The following TBC1D5 variants were observed in gnomAD, a reference collection of about 807,000 sequenced individuals.
The protein encoded by TBC1D5 is TBC1 domain family, member 5.
TBC1D5 carries 75 observed loss-of-function variants against 100.3 expected under a neutral mutation model. The observed-to-expected ratio is 0.75, with a 90% confidence interval of 0.62 to 0.91. The LOEUF is 0.91. Ranked by LOEUF, TBC1D5 falls within the 40% of genes least tolerant of loss-of-function variation. TBC1D5 has a pLI of 0.00. For synonymous variants in TBC1D5, 323 were observed against 325.6 expected (o/e 0.99, Z 0.09); for missense variants, 910 against 942.4 (o/e 0.97, Z 0.45).
chr3:17,215,722 T>A (rs2073556026), intron 17 of TBC1D5, among the ~76,000 whole-genome samples: 1 of 152,022 alleles, frequency 6.6e-6, no homozygotes, highest in Admixed American at 6.6e-5. Flanking sequence ...ACGTTACAAT[T>A]TAAAAGTCAG....
At chr3:17,643,751 G>C (rs1375841564) in intron 1 of TBC1D5, among the ~76,000 whole-genome samples, 1 of 152,134 alleles carries the variant, frequency 6.6e-6, no homozygotes, top group Non-Finnish European at 1.5e-5. Flanking sequence ...GGAAGGATCT[G>C]TGTTTGAGTA....
At chr3:17,487,310 T>C (rs1434394413) in intron 3 of TBC1D5, among the ~76,000 whole-genome samples, 1 of 152,172 alleles carries the variant, frequency 6.6e-6, no homozygotes, top group Admixed American at 6.6e-5. Context: ...CTGTCCATTG[T>C]AAGTAACCAA....
chr3:17,281,117 G>A lies in TBC1D5; in HGVS notation c.1245+10778C>T, dbSNP rs547659109. On this transcript the variant is annotated intron_variant, in intron 15 of 21. Transcript: ENST00000253692. ...CCAGTTCCCACCCGTGAAGGGGTCA[G>A]GGAAAATTTCCTGCTTCATTCTCAC... Among the ~76,000 whole-genome samples the A allele has an allele frequency of 5.3e-5, 8 of 152,302 alleles. No individual in the cohort carries two copies. In the South Asian group the frequency reaches 1.4e-3, roughly 28 times the overall value.
chr3:17,276,858 C>A (rs923552035), intron 15 of TBC1D5, among the ~76,000 whole-genome samples: 10 of 152,158 alleles, frequency 6.6e-5, no homozygotes, highest in African/African-American at 2.4e-4. Context: ...CACCTGCATC[C>A]CTGATCATAA....
chr3:17,442,247 T>G (rs1371273841), intron 3 of TBC1D5, among the ~76,000 whole-genome samples: 1 of 152,162 alleles, frequency 6.6e-6, no homozygotes, highest in Non-Finnish European at 1.5e-5. Context: ...TTTTTTCATT[T>G]CTAACCATGT....
chr3:17,352,045 AC>A (rs1288060308), intron 13 of TBC1D5, among the ~76,000 whole-genome samples: 1 of 151,704 alleles, frequency 6.6e-6, no homozygotes, highest in Non-Finnish European at 1.5e-5. Context: ...CCTAAGACAT[AC>A]AGAGAAGCAG....
intron 1 of TBC1D5, chr3:17,672,791 C>A (rs1326324759): frequency 6.6e-6 from 1 of 152,154 alleles, no homozygotes; most frequent in Non-Finnish European, 1.5e-5. Flanking sequence ...CTGCCTAGTG[C>A]CAGAACCTGG....
chr3:17,542,208 T>G (rs1190754657), intron 2 of TBC1D5, among the ~76,000 whole-genome samples: 1 of 152,118 alleles, frequency 6.6e-6, no homozygotes, highest in African/African-American at 2.4e-5. Context: ...GGAGGATCAC[T>G]TGAGCCTGGG....
At chr3:17,445,291 A>G (rs914849507) in intron 3 of TBC1D5, among the ~76,000 whole-genome samples, 23 of 152,218 alleles carry the variant, frequency 1.5e-4, no homozygotes, top group Admixed American at 5.2e-4. Context: ...CCTGTGGACA[A>G]AAAAGGTTTA....
chr3:17,286,391 C>G (rs2081191889), intron 15 of TBC1D5, among the ~76,000 whole-genome samples: 1 of 152,084 alleles, frequency 6.6e-6, no homozygotes, highest in African/African-American at 2.4e-5. Flanking sequence ...TGGGTTTTAA[C>G]ATTTTTTTTG....
At chr3:17,634,977 T>A (rs1240416069) in intron 1 of TBC1D5, among the ~76,000 whole-genome samples, 1 of 149,338 alleles carries the variant, frequency 6.7e-6, no homozygotes, top group East Asian at 2.0e-4. Context: ...GTAGATTATA[T>A]GCTTTTTATA....
At chr3:17,421,573 A>G (rs901694421) in intron 4 of TBC1D5, among the ~76,000 whole-genome samples, 1 of 152,188 alleles carries the variant, frequency 6.6e-6, no homozygotes, top group Admixed American at 6.5e-5. Flanking sequence ...TTACAACTTA[A>G]AAGAAATTTT....
chr3:17,683,057 T>C (rs957575248), intron 1 of TBC1D5, among the ~76,000 whole-genome samples: 2 of 151,610 alleles, frequency 1.3e-5, no homozygotes, highest in Non-Finnish European at 2.9e-5. Flanking sequence ...CATCTTTCCT[T>C]ACTTTTTAAG....
rs563453487 is a variant in TBC1D5 at position 17,546,454 on chromosome 3, T to A, written c.-35-37849A>T. 9.2e-5 allele frequency among the ~76,000 whole-genome samples: 14 copies of A among 152,272 alleles called. No individual in the cohort carries two copies. In the South Asian group the frequency reaches 1.9e-3, roughly 20 times the overall value. On this transcript the variant is annotated intron_variant, in intron 2 of 21. Transcript: ENST00000253692. ...CACTGTTACATATATAGTTATCCAT[T>A]TGTTTTATCTTTATAAAAAGTAATA...
In TBC1D5 at chr3:17,570,310, A is replaced by AT. The variant is rs760563352; in HGVS notation, c.-36+53538dup. Reference sequence around the variant, plus strand: ...CTATCATTTCCCAGCAGCTTGACAGATTTTTTTTTCCCCTAACACTCAAAA... The same window carrying AT: ...CTATCATTTCCCAGCAGCTTGACAGATTTTTTTTTTCCCCTAACACTCAAAA... On this transcript the variant is annotated intron_variant, in intron 2 of 21. Coordinates refer to ENST00000253692, the Ensembl canonical transcript of TBC1D5. Among the ~76,000 whole-genome samples, 246 of 151,622 alleles carry AT rather than the reference A, an allele frequency of 1.6e-3. 2 individuals carry two copies. Among genetic ancestry groups the AT allele is most frequent in the South Asian group, 6.7e-3 (32 of 4,796 alleles).
At chr3:17,364,997 A>AT (rs2092013567) in intron 13 of TBC1D5, among the ~76,000 whole-genome samples, 1 of 152,200 alleles carries the variant, frequency 6.6e-6, no homozygotes. Context: ...CATCAATAAT[A>AT]TATTTATTTC....
intron 8 of TBC1D5, among the ~76,000 whole-genome samples, chr3:17,386,223 G>A (rs978773784): frequency 1.3e-5 from 2 of 151,862 alleles, no homozygotes; most frequent in African/African-American, 4.8e-5. Context: ...CAAAAATCTG[G>A]ATCACCTGAC....
chr3:17,556,903 AG>A (rs1240134803), intron 2 of TBC1D5, among the ~76,000 whole-genome samples: 13 of 152,230 alleles, frequency 8.5e-5, no homozygotes, highest in African/African-American at 2.7e-4. Context: ...ATAAAGAAGT[AG>A]AAGAAACCCA....
At chr3:17,264,401 C>T (rs1432590074) in intron 15 of TBC1D5, among the ~76,000 whole-genome samples, 4 of 152,138 alleles carry the variant, frequency 2.6e-5, no homozygotes, top group Admixed American at 1.3e-4. Context: ...GGAGAAGTCT[C>T]ATCTTGCTTT....
Sources: gnomAD v4.1 joint callset for allele counts (sites outside exome capture counted in the v4.1 genomes callset) on GRCh38, gnomAD v4.1.1 for gene constraint, MANE v1.5 for transcripts, NCBI Gene and HGNC (gene_info 2026-07-23, HGNC 2026-07-21) for gene names.